The following ZPBP variants were observed in gnomAD, a reference collection of about 807,000 sequenced individuals.
ZPBP encodes zona pellucida-binding protein 1.
A neutral mutation model predicts 44.8 loss-of-function variants in ZPBP; 26 were observed. The ratio of observed to expected loss-of-function variants is 0.58; its 90% CI spans 0.43 to 0.81. The LOEUF is 0.81. Ranked by LOEUF, ZPBP falls within the 30% of genes least tolerant of loss-of-function variation. The pLI, the probability that ZPBP is intolerant of heterozygous loss-of-function variation, is 0.00. For synonymous variants in ZPBP, 174 were observed against 153.2 expected, an observed-to-expected ratio of 1.14 and a Z score of -1.00; for missense variants, 409 against 434.0, an observed-to-expected ratio of 0.94 and a Z score of 0.51.
intron 2 of ZPBP, among the ~76,000 whole-genome samples, chr7:49,870,196 C>A (rs1791085684): frequency 6.6e-6 from 1 of 152,126 alleles, no homozygotes; most frequent in South Asian, 2.1e-4. Context: ...GTCAGGAGAT[C>A]AAGACCATCC....
the ZPBP span, among the ~76,000 whole-genome samples, chr7:49,844,365 A>G: frequency 2.0e-4 from 31 of 152,328 alleles, 2 homozygotes; most frequent in East Asian, 6.0e-3. Context: ...TCACAGTTCT[A>G]GGTAAGCCAA....
At chr7:49,998,898 G>GCA (rs958607710) in intron 6 of ZPBP, among the ~76,000 whole-genome samples, 1 of 151,778 alleles carries the variant, frequency 6.6e-6, no homozygotes, top group Non-Finnish European at 1.5e-5. Context: ...ACACACAAAT[G>GCA]CACACACACA....
At chr7:49,995,455 A>G (rs1280966385) in intron 6 of ZPBP, among the ~76,000 whole-genome samples, 1 of 152,236 alleles carries the variant, frequency 6.6e-6, no homozygotes, top group Non-Finnish European at 1.5e-5. Flanking sequence ...CACGTTTGGT[A>G]TAACAGCTGC....
chr7:50,093,210 G>C lies in ZPBP; in HGVS notation c.-16C>G. Reference sequence around the variant, plus strand: ...AGGCCTCCATCCACACGCCGCCGTCGCCTGCCCACCGTCCGCGCGGAAGGT... The same window carrying C: ...AGGCCTCCATCCACACGCCGCCGTCCCCTGCCCACCGTCCGCGCGGAAGGT... On this transcript the variant is annotated 5_prime_UTR_variant, in exon 1 of 8. Transcript: ENST00000046087. The C allele has an allele frequency of 6.6e-7, 1 of 1,509,340 alleles. No individual in the cohort carries two copies. The allele number at this position is 1,509,340 out of a possible 1,614,324, so 93.5% of individuals were successfully genotyped here. A position where few individuals can be genotyped will look rare whatever the true frequency, so the allele number is the denominator to read the frequency against.
rs199613214 is a variant in ZPBP at position 49,998,755 on chromosome 7, AT to A, written c.784-15237del. On this transcript the variant is annotated intron_variant, in intron 6 of 7. Coordinates refer to ENST00000046087, the MANE Select transcript of ZPBP (RefSeq NM_007009.3). The stretch of plus-strand genomic sequence containing the variant: ...TAAATCTAGTAAGACTAGAGAGCCA[AT>A]TCCAGAAACTCCAGAACTATTTCAG... 3.8e-3 allele frequency among the ~76,000 whole-genome samples: 580 copies of A among 152,266 alleles called. 3 individuals are homozygous for A. Among genetic ancestry groups the A allele is most frequent in the Middle Eastern group, 0.02 (6 of 294 alleles).
intron 2 of ZPBP, among the ~76,000 whole-genome samples, chr7:49,877,119 A>G (rs1791443096): frequency 6.6e-6 from 1 of 152,056 alleles, no homozygotes; most frequent in African/African-American, 2.4e-5. Context: ...GAGAAAATAC[A>G]TTGGAAGACA....
chr7:50,023,189 C>T (rs1191113274), intron 5 of ZPBP, among the ~76,000 whole-genome samples: 1 of 151,952 alleles, frequency 6.6e-6, no homozygotes, highest in Non-Finnish European at 1.5e-5. Flanking sequence ...AATTCAAACC[C>T]CCTCTAGCCC....
rs1799585031 is a variant in ZPBP at position 50,031,088 on chromosome 7, T to C, written c.706+4A>G. 4 of 1,613,012 alleles carry C rather than the reference T, an allele frequency of 2.5e-6. No individual in the cohort carries two copies. In the South Asian group the frequency reaches 4.4e-5, roughly 18 times the overall value. On this transcript the variant is annotated splice_donor_region_variant and intron_variant, in intron 5 of 7. Coordinates refer to ENST00000046087, the MANE Select transcript of ZPBP (RefSeq NM_007009.3). ...TGCTTTTCTAACAAATTGTATAGAC[T>C]TACCTGAAAATGCAAAGAACAATTC...
intron 4 of ZPBP, among the ~76,000 whole-genome samples, chr7:50,050,047 T>C (rs1338465863): frequency 6.6e-6 from 1 of 151,738 alleles, no homozygotes; most frequent in Non-Finnish European, 1.5e-5. Flanking sequence ...AAAATCAAAA[T>C]AACACACTTA....
chr7:49,994,831 T>C (rs567651176), intron 6 of ZPBP, among the ~76,000 whole-genome samples: 2 of 152,286 alleles, frequency 1.3e-5, no homozygotes, highest in East Asian at 3.9e-4. Flanking sequence ...AGACCTGTCG[T>C]AGATCCATTT....
intron 2 of ZPBP, among the ~76,000 whole-genome samples, chr7:49,876,172 T>C (rs764951725): frequency 1.5e-4 from 23 of 152,178 alleles, no homozygotes; most frequent in African/African-American, 4.6e-4. Context: ...GTATAAGAAC[T>C]TGGTAACCTT....
intron 2 of ZPBP, among the ~76,000 whole-genome samples, chr7:49,857,901 G>T (rs921292852): frequency 1.3e-5 from 2 of 152,166 alleles, no homozygotes; most frequent in East Asian, 3.8e-4. Flanking sequence ...TCTGAGCTAA[G>T]TTTGGTGTTT....
intron 2 of ZPBP, among the ~76,000 whole-genome samples, chr7:49,872,663 T>C (rs146144817): frequency 0.025 from 3,726 of 150,764 alleles, 80 homozygotes; most frequent in Middle Eastern, 0.076. Flanking sequence ...CCCAGCTCTT[T>C]GGGAGGTCAA....
intron 7 of ZPBP, among the ~76,000 whole-genome samples, chr7:49,979,104 TC>T (rs982195885): frequency 2.5e-4 from 38 of 151,656 alleles, no homozygotes; most frequent in South Asian, 4.2e-4. Context: ...TAAGCAAAAT[TC>T]CCCCCCATAA....
At chr7:50,012,448 C>T (rs1042247671) in intron 6 of ZPBP, among the ~76,000 whole-genome samples, 1 of 151,676 alleles carries the variant, frequency 6.6e-6, no homozygotes, top group Non-Finnish European at 1.5e-5. Context: ...TGCAAGGCCA[C>T]TATAGTCCAA....
At chr7:49,987,726 T>TG (rs1797360813) in intron 6 of ZPBP, among the ~76,000 whole-genome samples, 1 of 103,610 alleles carries the variant, frequency 9.7e-6, no homozygotes, top group African/African-American at 3.8e-5. Flanking sequence ...GTTATATATG[T>TG]GTTGTGTGTG....
In ZPBP at chr7:49,931,762, T is replaced by C. The variant is rs374130682; in HGVS notation, n.411+3989A>G. Among the ~76,000 whole-genome samples the C allele has an allele frequency of 1.1e-4, 16 of 152,288 alleles. No individual in the cohort carries two copies. In the East Asian group the frequency reaches 3.1e-3, roughly 29 times the overall value. On this transcript the variant is annotated intron_variant and non_coding_transcript_variant, in intron 1 of 2. Transcript: ENST00000465922. The stretch of plus-strand genomic sequence containing the variant: ...ACAATAGGATAATGTCTCCAGGGCA[T>C]GTCAGACACCTTCACAGCAGCCCCT...
chr7:50,074,958 C>A (rs1005597481), intron 3 of ZPBP, among the ~76,000 whole-genome samples: 1 of 151,822 alleles, frequency 6.6e-6, no homozygotes, highest in African/African-American at 2.4e-5. Context: ...CTAAGAGCTG[C>A]AGAATACACA....
intron 1 of ZPBP, chr7:49,914,672 G>A (rs1216614217): frequency 6.6e-6 from 1 of 152,156 alleles, no homozygotes; most frequent in Non-Finnish European, 1.5e-5. Context: ...CAAATACATA[G>A]CTATCTCAGA....
Sources: gnomAD v4.1 joint callset for allele counts (sites outside exome capture counted in the v4.1 genomes callset) on GRCh38, gnomAD v4.1.1 for gene constraint, MANE v1.5 for transcripts, NCBI Gene and HGNC (gene_info 2026-07-23, HGNC 2026-07-21) for gene names.